The following PRKCE variants were observed in gnomAD, a reference collection of about 807,000 sequenced individuals.
PRKCE encodes the protein protein kinase C epsilon type.
A neutral mutation model predicts 85.4 loss-of-function variants in PRKCE; 16 were observed. The observed-to-expected ratio is 0.19, with a 90% CI of 0.13 to 0.28. The LOEUF is 0.28. PRKCE is among the 10% of genes least tolerant of loss of function. The probability of loss-of-function intolerance (pLI) is 1.00; values close to 1 mark genes in which losing one functional copy is unlikely to be tolerated. For synonymous variants in PRKCE, 388 were observed against 371.5 expected (o/e 1.04, Z -0.51); for missense variants, 573 against 975.2 (o/e 0.59, Z 5.49).
At chr2:46,170,853 G>C (rs1290898975) in intron 14 of PRKCE, among the ~76,000 whole-genome samples, 1 of 152,192 alleles carries the variant, frequency 6.6e-6, no homozygotes, top group East Asian at 1.9e-4. Context: ...TCTCTATCTA[G>C]AACATTTTCC....
rs1040400132 is a variant in PRKCE at position 45,940,754 on chromosome 2, A to C, written c.413-35675A>C. Reference sequence around the variant, plus strand: ...TACCTTTTGCTTAATAACTTACAAGAATTAAAAAGTTGATAGGCACCTGGC... The same window carrying C: ...TACCTTTTGCTTAATAACTTACAAGCATTAAAAAGTTGATAGGCACCTGGC... On this transcript the variant is annotated intron_variant, in intron 2 of 14. Transcript: ENST00000306156. Among the ~76,000 whole-genome samples, 6 of 152,100 alleles carry C rather than the reference A, an allele frequency of 3.9e-5. No homozygotes were observed. In the East Asian group the frequency reaches 5.8e-4, roughly 15 times the overall value.
chr2:46,015,691 C>CAAAAAAAAAAAAAAAAAAAAAAAAAA (rs749060776), intron 10 of PRKCE, among the ~76,000 whole-genome samples: 1 of 80,800 alleles, frequency 1.2e-5, no homozygotes, highest in African/African-American at 4.6e-5. Flanking sequence ...AACACTAAAC[C>CAAAAAAAAAAAAAAAAAAAAAAAAAA]AAAAAAAAAA....
chr2:45,933,178 T>TA (rs1699165589), intron 2 of PRKCE, among the ~76,000 whole-genome samples: 2 of 152,304 alleles, frequency 1.3e-5, no homozygotes, highest in African/African-American at 2.4e-5. Context: ...TTGTCTGCTT[T>TA]AAAAAAGATG....
At chr2:46,119,702 C>G (rs561186522) in intron 11 of PRKCE, among the ~76,000 whole-genome samples, 3 of 152,306 alleles carry the variant, frequency 2.0e-5, no homozygotes, top group Admixed American at 1.3e-4. Flanking sequence ...GAGACTCTTT[C>G]AACTAGTGAT....
At chr2:45,735,708 T>C (rs1681998662) in intron 1 of PRKCE, among the ~76,000 whole-genome samples, 3 of 152,106 alleles carry the variant, frequency 2.0e-5, no homozygotes, top group Non-Finnish European at 4.4e-5. Context: ...TCTTAGAACA[T>C]GAACATTTTG....
chr2:46,124,536 T>G (rs2104360079), intron 11 of PRKCE, among the ~76,000 whole-genome samples: 1 of 152,328 alleles, frequency 6.6e-6, no homozygotes, highest in South Asian at 2.1e-4. Flanking sequence ...TTCATGAGTT[T>G]CCTTGATACT....
rs141006190 is a variant in PRKCE at position 46,077,515 on chromosome 2, G to C, written c.1438-8693G>C. Among the ~76,000 whole-genome samples the C allele has an allele frequency of 6.2e-3, 944 of 152,280 alleles. 6 individuals are homozygous for C. Among genetic ancestry groups the C allele is most frequent in the Admixed American group, 0.012 (182 of 15,284 alleles). On this transcript the variant is annotated intron_variant, in intron 10 of 14. Coordinates refer to ENST00000306156, the MANE Select transcript of PRKCE (RefSeq NM_005400.3). Reference sequence around the variant, plus strand: ...GTGGATGGAATTGGCCTTTGCTATAGGAGTTTGATTGTGATAACTCTGAAT... The same window carrying C: ...GTGGATGGAATTGGCCTTTGCTATACGAGTTTGATTGTGATAACTCTGAAT...
At chr2:45,704,745 A>C (rs1203888892) in intron 1 of PRKCE, among the ~76,000 whole-genome samples, 1 of 152,168 alleles carries the variant, frequency 6.6e-6, no homozygotes, top group Non-Finnish European at 1.5e-5. Flanking sequence ...CTAGTATTTC[A>C]AGGTGACAGG....
intron 2 of PRKCE, among the ~76,000 whole-genome samples, chr2:45,971,887 G>C (rs1413305352): frequency 6.6e-6 from 1 of 152,182 alleles, no homozygotes; most frequent in African/African-American, 2.4e-5. Flanking sequence ...TTGCTTCCAT[G>C]TCTTGGCTAT....
intron 2 of PRKCE, among the ~76,000 whole-genome samples, chr2:45,894,687 T>C (rs1204043941): frequency 1.3e-5 from 2 of 152,272 alleles, no homozygotes; most frequent in East Asian, 3.9e-4. Flanking sequence ...CCACTTCCTC[T>C]AAAGTAGAAG....
chr2:46,103,812 A>C (rs180834774), intron 11 of PRKCE, among the ~76,000 whole-genome samples: 131 of 152,326 alleles, frequency 8.6e-4, no homozygotes, highest in South Asian at 4.1e-3. Flanking sequence ...GTGGATCATC[A>C]TAAAGGTTTT....
intron 2 of PRKCE, among the ~76,000 whole-genome samples, chr2:45,958,093 T>C (rs1265654792): frequency 2.7e-5 from 4 of 149,856 alleles, no homozygotes; most frequent in Non-Finnish European, 3.0e-5. Context: ...AAGTTTCAGA[T>C]TCACTGTTAT....
At chr2:45,725,314 G>A (rs1320775115) in intron 1 of PRKCE, among the ~76,000 whole-genome samples, 14 of 152,198 alleles carry the variant, frequency 9.2e-5, no homozygotes, top group Non-Finnish European at 2.1e-4. Context: ...TTCATTGACA[G>A]TGCACCTAGT....
intron 2 of PRKCE, among the ~76,000 whole-genome samples, chr2:45,961,565 T>C (rs1701379668): frequency 2.0e-5 from 3 of 152,206 alleles, no homozygotes; most frequent in African/African-American, 7.2e-5. Context: ...AAGTAGCACC[T>C]GGGGACAGGC....
At chr2:45,745,158 T>C (rs1683036805) in intron 1 of PRKCE, among the ~76,000 whole-genome samples, 2 of 152,140 alleles carry the variant, frequency 1.3e-5, no homozygotes, top group Non-Finnish European at 2.9e-5. Context: ...ATCTTACAAT[T>C]GTCCCTGTCT....
At chr2:46,013,666 C>A (rs150178009) in intron 10 of PRKCE, among the ~76,000 whole-genome samples, 1 of 152,104 alleles carries the variant, frequency 6.6e-6, no homozygotes, top group Non-Finnish European at 1.5e-5. Context: ...CACAAAGACC[C>A]GATTGCAATC....
chr2:45,795,295 C>A (rs989234531), intron 1 of PRKCE, among the ~76,000 whole-genome samples: 2 of 152,154 alleles, frequency 1.3e-5, no homozygotes, highest in African/African-American at 4.8e-5. Flanking sequence ...CAAACCTGAA[C>A]CACTTGAACA....
In PRKCE at chr2:46,062,668, C is replaced by CTTTTTTTTTTT. The variant is rs71394871; in HGVS notation, c.1438-23525_1438-23515dup. Among the ~76,000 whole-genome samples the CTTTTTTTTTTT allele has an allele frequency of 7.0e-4, 51 of 73,292 alleles. 4 individuals are homozygous for CTTTTTTTTTTT. The highest frequency in any genetic ancestry group is 1.4e-3 in the African/African-American group (24 of 16,806). 48.1% of individuals were successfully genotyped at this position (73,292 alleles called of 152,430 possible). On this transcript the variant is annotated intron_variant, in intron 10 of 14. Coordinates refer to ENST00000306156, the MANE Select transcript of PRKCE (RefSeq NM_005400.3). ...GAGTTGAAGGGTATAAAAGCTCAGCCTTTTTTTTTTTTTTTTTTTTTTTTT... is the reference window on the plus strand; with the variant it reads ...GAGTTGAAGGGTATAAAAGCTCAGCCTTTTTTTTTTTTTTTTTTTTTTTTTTTTTTTTTTTT...
At chr2:46,144,770 G>A (rs1675906525) in intron 11 of PRKCE, among the ~76,000 whole-genome samples, 3 of 152,172 alleles carry the variant, frequency 2.0e-5, no homozygotes, top group Non-Finnish European at 4.4e-5. Context: ...TTCTTTCATA[G>A]CAGGATCTCA....
Sources: gnomAD v4.1 joint callset for allele counts (sites outside exome capture counted in the v4.1 genomes callset) on GRCh38, gnomAD v4.1.1 for gene constraint, MANE v1.5 for transcripts, NCBI Gene and HGNC (gene_info 2026-07-23, HGNC 2026-07-21) for gene names.